CDC42BPB: variants seen among roughly 807,000 people sequenced by gnomAD.
CDC42BPB encodes CDC42 binding protein kinase beta.
A neutral mutation model predicts 214.9 loss-of-function variants in CDC42BPB; 37 were observed. The observed-to-expected ratio is 0.17, with a 90% CI of 0.13 to 0.23. CDC42BPB has a LOEUF of 0.23. CDC42BPB is among the 10% of genes least tolerant of loss of function. CDC42BPB has a pLI of 1.00. For missense variants in CDC42BPB, 1,694 were observed against 2,227.0 expected (o/e 0.76, Z 4.82); for synonymous variants, 931 against 884.0 (o/e 1.05, Z -0.94).
At chr14:102,960,179 TG>T (rs1287877918) in intron 20 of CDC42BPB, among the ~76,000 whole-genome samples, 2 of 151,954 alleles carry the variant, frequency 1.3e-5, no homozygotes, top group Admixed American at 1.3e-4. Context: ...TACTCCAGCC[TG>T]GGCGACAGAG....
intron 1 of CDC42BPB, among the ~76,000 whole-genome samples, chr14:103,025,956 T>G (rs1022187658): frequency 1.3e-5 from 2 of 151,706 alleles, no homozygotes; most frequent in African/African-American, 4.9e-5. Flanking sequence ...GATCATGCAA[T>G]GGGGGAAAAC....
chr14:102,978,189 C>T lies in CDC42BPB; in HGVS notation c.1157G>A (p.Gly386Asp). ...VLRNTEILPP[G>D]SHTGFSGLHL... is the part of the protein sequence containing the mutation. ...TAATCCAGAAAAGCCTGTGTGAGAA[C>T]CAGGAGGTAATATTTCCTGCATAAG... The change falls in exon 9 of 37, where the codon GGT becomes GAT. Residue 386 changes from glycine (G) to aspartate (D), a missense_variant. Coordinates refer to ENST00000361246, the MANE Select transcript of CDC42BPB (RefSeq NM_006035.4). 6.2e-7 allele frequency: 1 copy of T among 1,613,026 alleles called. No individual in the cohort carries two copies. Among genetic ancestry groups the T allele is most frequent in the South Asian group, 1.1e-5 (1 of 91,054 alleles).
chr14:102,949,954 G>T, intron 25 of CDC42BPB, 50 bp from the exon 26 acceptor site: 1 of 1,605,216 alleles, frequency 6.2e-7, no homozygotes. Flanking sequence ...CAGGCAGGCC[G>T]CCAGGCCCCA....
chr14:102,938,269 C>A, intron 35 of CDC42BPB, 37 bp downstream of exon 35: 1 of 1,600,984 alleles, frequency 6.2e-7, no homozygotes, highest in Non-Finnish European at 8.5e-7. Flanking sequence ...TACCCCCCAC[C>A]TCCCCCAGGG....
Position 102,954,171 on chromosome 14 carries a change from C to T in CDC42BPB, c.3066+27G>A, listed in dbSNP as rs372073707. 214 of 1,448,546 alleles carry T rather than the reference C, an allele frequency of 1.5e-4. 1 individual carries two copies. In the African/African-American group the frequency reaches 2.0e-3, roughly 13 times the overall value. 89.7% of individuals were successfully genotyped at this position (1,448,546 alleles called of 1,614,324 possible). ...ATAAACAACTAAATAACTAAGAAGG[C>T]GCCCCGGGTGAAAGCAAGGCCCCTA... On this transcript the variant is annotated intron_variant, in intron 23 of 36. Transcript: ENST00000361246.
chr14:102,966,926 C>T (rs28368893), intron 17 of CDC42BPB, 120 bp downstream of exon 17: 56,415 of 1,184,418 alleles, frequency 0.048, 1,800 homozygotes, highest in African/African-American at 0.13. Flanking sequence ...GTGAGACCTG[C>T]ACCCCAGCCT....
rs537962500 is a variant in CDC42BPB, at chr14:103,017,811, T to A, written c.176-5623A>T. On this transcript the variant is annotated intron_variant, in intron 1 of 36. Transcript: ENST00000361246. ...CCCTTCCTTCTGCTACAGAGCAGAG[T>A]ACCAGAAAATCCGCAATGCTTCAGT... Among the ~76,000 whole-genome samples the A allele has an allele frequency of 7.9e-5, 12 of 152,300 alleles. No individual in the cohort carries two copies. The South Asian group carries it at 2.5e-3, about 32-fold the overall frequency.
Position 103,003,887 on chromosome 14 carries a change from G to A in CDC42BPB, c.447+41C>T, listed in dbSNP as rs145231086. 256 of 1,499,376 alleles carry A rather than the reference G, an allele frequency of 1.7e-4. 1 individual carries two copies. In the African/African-American group the frequency reaches 2.7e-3, roughly 16 times the overall value. The allele number at this position is 1,499,376 out of a possible 1,614,324, so 92.9% of individuals were successfully genotyped here. A position where few individuals can be genotyped will look rare whatever the true frequency, so the allele number is the denominator to read the frequency against. On this transcript the variant is annotated intron_variant, in intron 4 of 36. Transcript: ENST00000361246. ...AGTGACAGCATAAAGGAATAAAGCC[G>A]GAGCGAATGCCCTGACCGAGTCTCT...
intron 26 of CDC42BPB, chr14:102,948,009 C>T (rs1376376355): frequency 1.0e-6 from 1 of 975,318 alleles, no homozygotes; most frequent in Non-Finnish European, 1.2e-6. Flanking sequence ...CTTAGGGATG[C>T]CGCAAGGGAA....
At chr14:103,025,233 T>G (rs576349555) in intron 1 of CDC42BPB, among the ~76,000 whole-genome samples, 2 of 152,204 alleles carry the variant, frequency 1.3e-5, no homozygotes, top group South Asian at 4.1e-4. Flanking sequence ...TCTTTCACTC[T>G]CCTGTAAGCA....
chr14:102,943,898 G>A lies in CDC42BPB; in HGVS notation c.4401C>T (p.Val1467=), dbSNP rs374533525. The A allele has an allele frequency of 2.9e-5, 47 of 1,606,910 alleles. No individual in the cohort carries two copies. Among genetic ancestry groups the A allele is most frequent in the Non-Finnish European group, 3.5e-5 (41 of 1,177,144 alleles). Residue 1467 remains valine (V), a synonymous_variant, in exon 30 of 37, where the codon GTC becomes GTT. Coordinates refer to ENST00000361246, the MANE Select transcript of CDC42BPB (RefSeq NM_006035.4). This position sits in a 1 kb window ranked among gnomAD's most constrained non-coding sequence, Gnocchi z 4.6. The part of the protein sequence containing the change: ...AQELMWPAAP[V]ACSCSPTHVT... ...CAGAAAACATATACATACTACAGGC[G>A]ACAGGAGCCGCAGGCCACATGAGCT...
intron 1 of CDC42BPB, among the ~76,000 whole-genome samples, chr14:103,053,761 C>CAA (rs1264978955): frequency 1.1e-4 from 8 of 73,958 alleles, no homozygotes; most frequent in East Asian, 4.1e-4. Flanking sequence ...GACTCCGTCT[C>CAA]AAAAAAAAAA....
intron 1 of CDC42BPB, among the ~76,000 whole-genome samples, chr14:103,049,689 A>G (rs1024940907): frequency 5.3e-5 from 8 of 152,218 alleles, no homozygotes; most frequent in Non-Finnish European, 8.8e-5. Context: ...CCCATGGGGC[A>G]TGGTGGGAAG....
intron 1 of CDC42BPB, among the ~76,000 whole-genome samples, chr14:103,029,858 CAAAA>C (rs11299296): frequency 8.0e-5 from 5 of 62,374 alleles, no homozygotes; most frequent in African/African-American, 3.1e-4. Flanking sequence ...ACTCCATCTC[CAAAA>C]AAAAAAAAAA....
At chr14:103,011,619 C>T (rs777392833) in intron 2 of CDC42BPB, among the ~76,000 whole-genome samples, 1 of 152,050 alleles carries the variant, frequency 6.6e-6, no homozygotes, top group Non-Finnish European at 1.5e-5. Flanking sequence ...GTGTCAGCAC[C>T]TGTAGTCCCA....
chr14:102,971,903 C>T lies in CDC42BPB; in HGVS notation c.1884+16G>A. On this transcript the variant is annotated intron_variant, in intron 13 of 36. Transcript: ENST00000361246. ...ATGTCCAGTCGATACCATCCCTGAA[C>T]CATCTCCACAGCTACCTCTTTCCTG... 1.2e-6 allele frequency: 2 copies of T among 1,612,764 alleles called. No homozygotes were observed. Among genetic ancestry groups the T allele is most frequent in the Non-Finnish European group, 1.7e-6 (2 of 1,179,058 alleles).
At chr14:102,946,047 C>T (rs568593888) in intron 28 of CDC42BPB, among the ~76,000 whole-genome samples, 39 of 152,098 alleles carry the variant, frequency 2.6e-4, no homozygotes, top group African/African-American at 8.7e-4. Context: ...CTCGGTCTGT[C>T]GCCCAGGCTG....
At chr14:102,985,168 C>T (rs556906156) in intron 6 of CDC42BPB, among the ~76,000 whole-genome samples, 83 of 141,484 alleles carry the variant, frequency 5.9e-4, no homozygotes, top group African/African-American at 2.0e-3. Flanking sequence ...GTAACCCATG[C>T]TCTGGTTATA....
At chr14:103,026,844 G>T (rs896021971) in intron 1 of CDC42BPB, among the ~76,000 whole-genome samples, 1 of 151,754 alleles carries the variant, frequency 6.6e-6, no homozygotes, top group Non-Finnish European at 1.5e-5. Flanking sequence ...CTCCAGCCTG[G>T]GCGACAGAGT....
Sources: gnomAD v4.1 joint callset for allele counts (sites outside exome capture counted in the v4.1 genomes callset) on GRCh38, gnomAD v4.1.1 for gene constraint, Gnocchi (gnomAD v3.1) non-coding constraint, MANE v1.5 for transcripts, NCBI Gene and HGNC (gene_info 2026-07-23, HGNC 2026-07-21) for gene names.